The following NLGN1 variants were observed in gnomAD, a reference collection of about 807,000 sequenced individuals.
NLGN1 encodes the protein neuroligin-1.
NLGN1 carries 12 observed loss-of-function variants against 65.5 expected under a neutral mutation model. The observed-to-expected ratio is 0.18, with a 90% CI of 0.12 to 0.30. The LOEUF (loss-of-function observed/expected upper bound fraction) is 0.30, where lower values mean the gene tolerates loss of function less well. Ranked by LOEUF, NLGN1 falls within the 10% of genes least tolerant of loss-of-function variation. The pLI is 1.00. For missense variants in NLGN1, 750 were observed against 1,007.1 expected (o/e 0.74, Z 3.46); for synonymous variants, 350 against 359.5 (o/e 0.97, Z 0.30).
At chr3:173,842,410 T>C (rs1724965125) in intron 4 of NLGN1, among the ~76,000 whole-genome samples, 1 of 152,226 alleles carries the variant, frequency 6.6e-6, no homozygotes, top group South Asian at 2.1e-4. Flanking sequence ...CACCATTAAC[T>C]CAGAAGTCCA....
chr3:174,210,907 C>T (rs1284880764), intron 4 of NLGN1, among the ~76,000 whole-genome samples: 3 of 152,146 alleles, frequency 2.0e-5, no homozygotes, highest in East Asian at 1.9e-4. Flanking sequence ...GTATTCAGTA[C>T]AATAACATGC....
chr3:173,779,906 T>C (rs1350285913), intron 3 of NLGN1, among the ~76,000 whole-genome samples: 6 of 152,168 alleles, frequency 3.9e-5, no homozygotes, highest in Admixed American at 6.5e-5. Context: ...TTATGTAAAA[T>C]GTTCATAAAT....
At chr3:173,501,208 G>A (rs142625944) in intron 2 of NLGN1, among the ~76,000 whole-genome samples, 349 of 152,026 alleles carry the variant, frequency 2.3e-3, no homozygotes, top group African/African-American at 8.1e-3. Flanking sequence ...CATCATCTAG[G>A]TATTAAGCCC....
chr3:173,806,353 A>G (rs150997339), intron 3 of NLGN1, among the ~76,000 whole-genome samples: 2 of 152,138 alleles, frequency 1.3e-5, no homozygotes, highest in Non-Finnish European at 2.9e-5. Context: ...AGTTCTTTCA[A>G]TAAATTTGTA....
intron 4 of NLGN1, among the ~76,000 whole-genome samples, chr3:173,990,719 T>A (rs923076852): frequency 4.1e-4 from 62 of 152,130 alleles, no homozygotes; most frequent in Admixed American, 5.9e-4. Flanking sequence ...AACCCACAGC[T>A]GTTTTGGTAT....
intron 2 of NLGN1, among the ~76,000 whole-genome samples, chr3:173,483,992 T>G (rs923953696): frequency 2.6e-5 from 4 of 152,172 alleles, no homozygotes; most frequent in Non-Finnish European, 1.5e-5. Flanking sequence ...TGGCTTTAAA[T>G]TTTTACTAAT....
chr3:173,528,288 T>TG (rs1454495374), intron 2 of NLGN1, among the ~76,000 whole-genome samples: 1 of 152,208 alleles, frequency 6.6e-6, no homozygotes, highest in Non-Finnish European at 1.5e-5. Context: ...TAGGTCTCAA[T>TG]GTCTTCTGGC....
At position 174,280,690 on chromosome 3, in the gene NLGN1, C is replaced by T; in HGVS notation, c.1859C>T (p.Ser620Phe). 6.2e-7 allele frequency: 1 copy of T among 1,613,324 alleles called. No individual in the cohort carries two copies. Among genetic ancestry groups the T allele is most frequent in the Non-Finnish European group, 8.5e-7 (1 of 1,179,544 alleles). ...CATCTGCATAATCTCAATGACATTT[C>T]TCAGTATACCTCTACAACAACTAAA... Residue 620 changes from serine (S) to phenylalanine (F), a missense_variant, in exon 7 of 7, where the codon TCT (serine) becomes TTT (phenylalanine). By Grantham distance (155) the Ser-to-Phe change is radical (BLOSUM62 -2). Transcript: ENST00000457714. This position sits in a 1 kb window ranked among gnomAD's most constrained non-coding sequence, Gnocchi z 4.9.
intron 4 of NLGN1, among the ~76,000 whole-genome samples, chr3:173,822,614 C>T (rs1720539155): frequency 6.6e-6 from 1 of 152,072 alleles, no homozygotes; most frequent in African/African-American, 2.4e-5. Context: ...AGAAATCTGA[C>T]ATTTAAAACA....
intron 4 of NLGN1, among the ~76,000 whole-genome samples, chr3:174,119,302 T>G (rs1334385661): frequency 6.6e-6 from 1 of 152,166 alleles, no homozygotes; most frequent in African/African-American, 2.4e-5. Flanking sequence ...AATCTTTATA[T>G]GTAATGTATT....
chr3:174,120,063 A>G (rs1717423813), intron 4 of NLGN1, among the ~76,000 whole-genome samples: 1 of 152,236 alleles, frequency 6.6e-6, no homozygotes, highest in Non-Finnish European at 1.5e-5. Flanking sequence ...GCAAACATTG[A>G]CAAACATCCA....
intron 4 of NLGN1, among the ~76,000 whole-genome samples, chr3:174,265,778 T>TATATATATATATATATAC (rs1414006373): frequency 1.8e-5 from 2 of 113,378 alleles, no homozygotes; most frequent in African/African-American, 6.7e-5. Context: ...TATATATATA[T>TATATATATATATATATAC]ATATGTATAT....
intron 2 of NLGN1, among the ~76,000 whole-genome samples, chr3:173,450,134 G>A (rs1201939665): frequency 6.6e-6 from 1 of 152,216 alleles, no homozygotes; most frequent in Non-Finnish European, 1.5e-5. Context: ...TTGCTCGTTA[G>A]TTGATGCAGT....
At chr3:174,120,209 C>T (rs2152643162) in intron 4 of NLGN1, among the ~76,000 whole-genome samples, 1 of 152,168 alleles carries the variant, frequency 6.6e-6, no homozygotes, top group Non-Finnish European at 1.5e-5. Context: ...GACTTATGGC[C>T]AGGTGTGGTG....
At chr3:174,210,487 G>A (rs1265039791) in intron 4 of NLGN1, among the ~76,000 whole-genome samples, 2 of 152,324 alleles carry the variant, frequency 1.3e-5, no homozygotes, top group South Asian at 2.1e-4. Context: ...GGTGGCAGGG[G>A]ATGGAACAGG....
intron 4 of NLGN1, among the ~76,000 whole-genome samples, chr3:174,094,484 A>G (rs1259632926): frequency 1.3e-5 from 2 of 151,796 alleles, no homozygotes. Context: ...CACCCAGGAT[A>G]CATGACATTG....
chr3:173,951,660 A>G (rs1748233174), intron 4 of NLGN1, among the ~76,000 whole-genome samples: 3 of 151,814 alleles, frequency 2.0e-5, no homozygotes, highest in Admixed American at 6.6e-5. Flanking sequence ...ATGGAGTTTC[A>G]CCATGTTGGT....
intron 2 of NLGN1, among the ~76,000 whole-genome samples, chr3:173,506,375 T>G (rs769489378): frequency 1.8e-4 from 28 of 151,970 alleles, no homozygotes; most frequent in Middle Eastern, 6.8e-3. Flanking sequence ...ATTATTTTAG[T>G]TTTTTTTAAC....
intron 4 of NLGN1, among the ~76,000 whole-genome samples, chr3:174,245,084 G>A (rs943538544): frequency 6.6e-6 from 1 of 152,116 alleles, no homozygotes; most frequent in Non-Finnish European, 1.5e-5. Flanking sequence ...GGAGCCAAAA[G>A]AGCATCTGTG....
Sources: gnomAD v4.1 joint callset for allele counts (sites outside exome capture counted in the v4.1 genomes callset) on GRCh38, gnomAD v4.1.1 for gene constraint, Gnocchi (gnomAD v3.1) non-coding constraint, MANE v1.5 for transcripts, NCBI Gene and HGNC (gene_info 2026-07-23, HGNC 2026-07-21) for gene names.